The following PDGFB variants were observed in gnomAD, a reference collection of about 807,000 sequenced individuals.
The protein encoded by PDGFB is platelet derived growth factor subunit B, also known as platelet-derived growth factor subunit B.
Under a neutral mutation model 29.0 loss-of-function variants are expected in PDGFB, and 6 were observed. The observed-to-expected ratio is 0.21, with a 90% CI of 0.11 to 0.41. PDGFB has a LOEUF of 0.41. Ranked by LOEUF, PDGFB falls within the 10% of genes least tolerant of loss-of-function variation. The pLI, the probability that PDGFB is intolerant of heterozygous loss-of-function variation, is 1.00. For synonymous variants in PDGFB, 144 were observed against 140.8 expected (o/e 1.02, Z -0.16); for missense variants, 299 against 341.8 (o/e 0.87, Z 0.99).
intron 1 of PDGFB, among the ~76,000 whole-genome samples, chr22:39,239,924 C>T (rs1047136240): frequency 3.3e-5 from 5 of 152,174 alleles, no homozygotes; most frequent in African/African-American, 9.7e-5. Context: ...GCCCAAGCAA[C>T]CAGGGGCGTT....
Position 39,235,742 on chromosome 22 carries a change from C to G in PDGFB, c.160+36G>C, listed in dbSNP as rs74525460. ...CCTCCCAGATCTCTTAAAGTCTCCT[C>G]GGAGGGCCGGAGCGCGGGGCGAGGA... On this transcript the variant is annotated intron_variant, in intron 2 of 6. Coordinates refer to ENST00000331163, the MANE Select transcript of PDGFB (RefSeq NM_002608.4). 2.8e-3 allele frequency: 4,193 copies of G among 1,475,318 alleles called. 110 individuals are homozygous for G. In the African/African-American group the frequency reaches 0.052, roughly 18 times the overall value. The allele number at this position is 1,475,318 out of a possible 1,614,324, so 91.4% of individuals were successfully genotyped here.
chr22:39,230,370 A>G (rs4821874), intron 4 of PDGFB, 142 bp from the exon 5 acceptor site: 1 of 760,404 alleles, frequency 1.3e-6, no homozygotes. Context: ...GTGGGGCAAA[A>G]GCTTTGGCCC....
At position 39,231,622 on chromosome 22, in the gene PDGFB, C is replaced by T; in HGVS notation, c.456G>A (p.Gln152=). The change falls in exon 4 of 7, where the codon CAG becomes CAA. Residue 152 remains glutamine (Q), a splice_region_variant and synonymous_variant. Coordinates refer to ENST00000331163, the MANE Select transcript of PDGFB (RefSeq NM_002608.4). The surrounding 1 kb of genome is among the most constrained non-coding windows in gnomAD (Gnocchi z 4.3). The part of the protein sequence containing the change: ...RPTQVQLRPV[Q]VRKIEIVRKK... ...TCGGGGGGCCGCGGAGCCTACGCAC[C>T]TGGACAGGTCGCAGCTGCACCTGGG... 6.4e-7 allele frequency: 1 copy of T among 1,560,744 alleles called. No homozygotes were observed. The highest frequency in any genetic ancestry group is 8.7e-7 in the Non-Finnish European group (1 of 1,154,186).
At chr22:39,233,665 C>T (rs957292653) in intron 2 of PDGFB, 141 bp from the exon 3 acceptor site, 14 of 558,356 alleles carry the variant, frequency 2.5e-5, no homozygotes, top group South Asian at 4.9e-5. Flanking sequence ...CATAAATGCA[C>T]GGGTCCTGGC....
chr22:39,234,000 A>G (rs1427136109), intron 2 of PDGFB, among the ~76,000 whole-genome samples: 1 of 46,848 alleles, frequency 2.1e-5, no homozygotes, highest in Non-Finnish European at 4.1e-5. Context: ...CGCGCTGGGC[A>G]GGCGGGAGCC....
chr22:39,238,804 A>C (rs1203618260), intron 1 of PDGFB, among the ~76,000 whole-genome samples: 1 of 152,266 alleles, frequency 6.6e-6, no homozygotes, highest in Non-Finnish European at 1.5e-5. Context: ...ACCAGGGCCC[A>C]GTGGGCCCCC....
chr22:39,244,650 C>T lies in PDGFB; in HGVS notation c.-687G>A. ...TGCCCGCTGCGCGCTCGGCTGGGCC[C>T]GGCCGACAGGTGGACGCGGCGCGAG... On this transcript the variant is annotated 5_prime_UTR_variant, in exon 1 of 7. Transcript: ENST00000331163. This position sits in a 1 kb window ranked among gnomAD's most constrained non-coding sequence, Gnocchi z 4.5. 6.1e-6 allele frequency: 1 copy of T among 163,892 alleles called. No individual in the cohort carries two copies. The highest frequency in any genetic ancestry group is 1.1e-4 in the East Asian group (1 of 8,762). 10.2% of individuals were successfully genotyped at this position (163,892 alleles called of 1,614,324 possible).
Position 39,231,520 on chromosome 22 carries a change from C to T in PDGFB, c.456+102G>A, listed in dbSNP as rs900165915. The T allele has an allele frequency of 9.3e-6, 8 of 855,684 alleles. No individual in the cohort carries two copies. Among genetic ancestry groups the T allele is most frequent in the Non-Finnish European group, 1.2e-5 (7 of 565,300 alleles). The allele number at this position is 855,684 out of a possible 1,614,324, so 53.0% of individuals were successfully genotyped here. On this transcript the variant is annotated intron_variant, in intron 4 of 6. Transcript: ENST00000331163. The surrounding 1 kb of genome is among the most constrained non-coding windows in gnomAD (Gnocchi z 4.3). Reference sequence around the variant, plus strand: ...CAAATCAGGAATGTCCTTCGACACACCACTCTGCCCAGTCAAGGAAGCCTG... The same window carrying T: ...CAAATCAGGAATGTCCTTCGACACATCACTCTGCCCAGTCAAGGAAGCCTG...
chr22:39,229,025 G>A (rs2146434768), intron 5 of PDGFB, among the ~76,000 whole-genome samples: 1 of 152,056 alleles, frequency 6.6e-6, no homozygotes, highest in East Asian at 1.9e-4. Flanking sequence ...CAGCGACTCA[G>A]CTCAGCTCTG....
intron 1 of PDGFB, among the ~76,000 whole-genome samples, chr22:39,241,386 T>A (rs1253245062): frequency 6.6e-6 from 1 of 152,244 alleles, no homozygotes; most frequent in Non-Finnish European, 1.5e-5. Context: ...CCTGCGTGGT[T>A]CCATCCCCAT....
intron 6 of PDGFB, among the ~76,000 whole-genome samples, 162 bp downstream of exon 6, chr22:39,225,533 A>C (rs1159490090): frequency 6.6e-6 from 1 of 152,004 alleles, no homozygotes; most frequent in African/African-American, 2.4e-5. Flanking sequence ...TGGGGTCTCC[A>C]AAGCCCACCA....
intron 1 of PDGFB, among the ~76,000 whole-genome samples, chr22:39,237,422 A>C (rs1230067579): frequency 2.0e-5 from 3 of 152,166 alleles, no homozygotes; most frequent in Non-Finnish European, 4.4e-5. Context: ...CAACTTGAGG[A>C]AAAAAAGGTG....
At chr22:39,240,208 C>T (rs941228942) in intron 1 of PDGFB, among the ~76,000 whole-genome samples, 23 of 152,232 alleles carry the variant, frequency 1.5e-4, no homozygotes, top group Middle Eastern at 3.4e-3. Flanking sequence ...AAAATTAAAG[C>T]AGGAAGAGAG....
At chr22:39,230,320 C>G (rs967346718) in intron 4 of PDGFB, 92 bp from the exon 5 acceptor site, 6 of 1,311,210 alleles carry the variant, frequency 4.6e-6, no homozygotes, top group Non-Finnish European at 6.5e-6. Flanking sequence ...CCCCGGTGTC[C>G]CCTGCAGCAA....
intron 1 of PDGFB, among the ~76,000 whole-genome samples, chr22:39,240,079 ACCAGTGTTTC>A (rs1023918099): frequency 2.0e-5 from 3 of 152,198 alleles, no homozygotes; most frequent in Non-Finnish European, 4.4e-5. Flanking sequence ...AGCCATTAGA[ACCAGTGTTTC>A]CCACCTAGCA....
At position 39,230,415 on chromosome 22, in the gene PDGFB, G is replaced by T. The variant is rs542958934; in HGVS notation, c.457-187C>A. 4.6e-5 allele frequency among the ~76,000 whole-genome samples: 7 copies of T among 152,328 alleles called. No homozygotes were observed. In the East Asian group the frequency reaches 5.8e-4, roughly 13 times the overall value. ...CAGGACCTTGACCTCTGCCCTTCTC[G>T]TAGCTTTTCCATCAAAACAAGCCCT... On this transcript the variant is annotated intron_variant, in intron 4 of 6. Coordinates refer to ENST00000331163, the MANE Select transcript of PDGFB (RefSeq NM_002608.4).
intron 2 of PDGFB, 117 bp downstream of exon 2, chr22:39,235,661 G>GCCATGGGCCTCTAGTGCTC (rs1288302576): frequency 8.2e-6 from 6 of 732,640 alleles, no homozygotes; most frequent in Non-Finnish European, 1.4e-5. Context: ...TCTCTGGGCT[G>GCCATGGGCCTCTAGTGCTC]CCATGGGCCT....
intron 1 of PDGFB, among the ~76,000 whole-genome samples, chr22:39,240,339 TTCTC>T (rs554631174): frequency 8.6e-4 from 130 of 151,232 alleles, no homozygotes; most frequent in Non-Finnish European, 1.1e-3. Context: ...TAATCCAATC[TTCTC>T]TCTCTCTTTT....
At position 39,244,929 on chromosome 22, in the gene PDGFB, C is replaced by T. The variant is rs1250403491; in HGVS notation, c.-966G>A. On this transcript the variant is annotated 5_prime_UTR_variant, in exon 1 of 7. Transcript: ENST00000331163. This position sits in a 1 kb window ranked among gnomAD's most constrained non-coding sequence, Gnocchi z 4.5. ...CCTAGGGAGGCAGCGGGGGAGGCTG[C>T]GGGTGCGCAGGGAGGCAGGCAGGCC... is the stretch of plus-strand genomic sequence containing the variant. 6.6e-6 allele frequency among the ~76,000 whole-genome samples: 1 copy of T among 151,512 alleles called. No homozygotes were observed. Among genetic ancestry groups the T allele is most frequent in the African/African-American group, 2.4e-5 (1 of 41,214 alleles).
Sources: allele counts gnomAD v4.1 joint callset (sites outside exome capture counted in the v4.1 genomes callset), GRCh38; gene constraint gnomAD v4.1.1; non-coding constraint Gnocchi (gnomAD v3.1); transcripts MANE v1.5; gene names NCBI Gene and HGNC (gene_info 2026-07-23, HGNC 2026-07-21).